The following DOCK9 variants were observed in gnomAD, a reference collection of about 807,000 sequenced individuals.
The protein encoded by DOCK9 is dedicator of cytokinesis protein 9.
In DOCK9, 89 loss-of-function variants were observed where a neutral mutation model predicts 263.3. The ratio of observed to expected loss-of-function variants is 0.34; its 90% CI spans 0.28 to 0.40. The LOEUF is 0.40. Ranked by LOEUF, DOCK9 falls within the 10% of genes least tolerant of loss-of-function variation. The pLI is 1.00. For synonymous variants in DOCK9, 976 were observed against 973.1 expected (o/e 1.00, Z -0.06); for missense variants, 2,140 against 2,603.4 (o/e 0.82, Z 3.87).
At chr13:98,902,928 T>C (rs1362484938) in intron 11 of DOCK9, 44 bp downstream of exon 11, 22 of 1,376,218 alleles carry the variant, frequency 1.6e-5, no homozygotes, top group Non-Finnish European at 2.1e-5. Flanking sequence ...CTGAAACCTC[T>C]GCCTATTTTT....
intron 43 of DOCK9, among the ~76,000 whole-genome samples, chr13:98,828,413 A>G (rs1451576643): frequency 6.6e-6 from 1 of 152,214 alleles, no homozygotes; most frequent in Non-Finnish European, 1.5e-5. Context: ...TACTTCTCTT[A>G]GTTATTCCTT....
intron 9 of DOCK9, among the ~76,000 whole-genome samples, chr13:98,910,679 C>A (rs775893916): frequency 2.6e-5 from 4 of 152,160 alleles, no homozygotes; most frequent in African/African-American, 7.2e-5. Flanking sequence ...AGAAAAGGAA[C>A]CTGCCATGAA....
At chr13:98,826,005 G>C (rs1365335090) in intron 44 of DOCK9, 1 of 1,327,722 alleles carries the variant, frequency 7.5e-7, no homozygotes, top group East Asian at 3.0e-5. Flanking sequence ...GGTATTAAAT[G>C]AACATGGAGC....
intron 1 of DOCK9, among the ~76,000 whole-genome samples, chr13:99,014,727 C>G (rs1885110615): frequency 1.3e-5 from 2 of 152,162 alleles, no homozygotes; most frequent in African/African-American, 4.8e-5. Context: ...GGAAAAATGG[C>G]AAGGCATCCT....
At chr13:98,890,356 C>T (rs749585675) in intron 15 of DOCK9, among the ~76,000 whole-genome samples, 5 of 152,164 alleles carry the variant, frequency 3.3e-5, no homozygotes, top group Non-Finnish European at 5.9e-5. Flanking sequence ...TGCCCACTCA[C>T]GTGTGCAGCG....
chr13:98,964,232 C>A (rs1000364703), intron 1 of DOCK9, among the ~76,000 whole-genome samples: 10 of 152,208 alleles, frequency 6.6e-5, no homozygotes, highest in African/African-American at 2.4e-4. Context: ...GGAACCCAAC[C>A]TTTGCCCAGC....
chr13:99,053,449 T>C (rs2040793161), intron 1 of DOCK9, among the ~76,000 whole-genome samples: 1 of 152,222 alleles, frequency 6.6e-6, no homozygotes, highest in African/African-American at 2.4e-5. Flanking sequence ...ACTTAGAATA[T>C]AAATTTAATT....
chr13:98,912,384 G>A (rs1436232543), intron 9 of DOCK9, among the ~76,000 whole-genome samples: 3 of 152,132 alleles, frequency 2.0e-5, no homozygotes, highest in Non-Finnish European at 4.4e-5. Context: ...TACAATTCAT[G>A]TTTGAGCATT....
chr13:99,014,286 C>A (rs1235117376), intron 1 of DOCK9, among the ~76,000 whole-genome samples: 2 of 152,228 alleles, frequency 1.3e-5, no homozygotes, highest in African/African-American at 4.8e-5. Context: ...GGAGCTAGTC[C>A]TTCTAATCTC....
At chr13:98,879,786 T>C in intron 27 of DOCK9, 112 bp downstream of exon 27, 1 of 824,758 alleles carries the variant, frequency 1.2e-6, no homozygotes, top group Non-Finnish European at 1.9e-6. Flanking sequence ...GTAAAGCACT[T>C]AGAACAGTCC....
chr13:98,905,956 C>T (rs1260694293), intron 9 of DOCK9, among the ~76,000 whole-genome samples: 1 of 152,158 alleles, frequency 6.6e-6, no homozygotes, highest in African/African-American at 2.4e-5. Context: ...GTTATCACAC[C>T]AGCCTCCCAG....
chr13:99,087,675 A>C (rs1225912759), upstream of DOCK9: 1 of 152,136 alleles, frequency 6.6e-6, no homozygotes, highest in Admixed American at 6.5e-5. Context: ...AGGGCCGCGG[A>C]GAGGGCGCGC....
At chr13:99,074,399 A>G (rs934410044) in intron 1 of DOCK9, among the ~76,000 whole-genome samples, 7 of 152,254 alleles carry the variant, frequency 4.6e-5, no homozygotes, top group African/African-American at 1.7e-4. Context: ...CATCATATAC[A>G]AGAAGGCAAG....
Position 98,944,633 on chromosome 13 carries a change from A to G in DOCK9, c.243+10802T>C, listed in dbSNP as rs183379765. Among the ~76,000 whole-genome samples the G allele has an allele frequency of 8.0e-4, 122 of 152,290 alleles. 1 individual carries two copies. The highest frequency in any genetic ancestry group is 2.8e-3 in the African/African-American group (116 of 41,578). On this transcript the variant is annotated intron_variant, in intron 2 of 52. Transcript: ENST00000682017. The stretch of plus-strand genomic sequence containing the variant: ...CCCCTACAGTCCTATGCCAGGGCAC[A>G]TGGGGACACAGCTGCCCACACACCC...
At chr13:98,914,560 C>A in intron 8 of DOCK9, among the ~76,000 whole-genome samples, 165 bp from the exon 9 acceptor site, 1 of 152,120 alleles carries the variant, frequency 6.6e-6, no homozygotes, top group East Asian at 1.9e-4. Flanking sequence ...AAATACTGAT[C>A]CACAGGCTCA....
At chr13:99,065,045 C>T (rs1386233881) in intron 1 of DOCK9, among the ~76,000 whole-genome samples, 1 of 152,154 alleles carries the variant, frequency 6.6e-6, no homozygotes, top group Non-Finnish European at 1.5e-5. Context: ...CAGGTTTCTG[C>T]ATCACCACAC....
At chr13:98,838,301 T>C (rs2093083168) in intron 38 of DOCK9, among the ~76,000 whole-genome samples, 1 of 152,164 alleles carries the variant, frequency 6.6e-6, no homozygotes. Context: ...CAAAGGGTTG[T>C]GGTAAGGATT....
At chr13:98,813,619 T>G (rs757465596) in intron 45 of DOCK9, among the ~76,000 whole-genome samples, 6 of 152,034 alleles carry the variant, frequency 3.9e-5, no homozygotes, top group Admixed American at 6.6e-5. Context: ...TTCAATTTAC[T>G]AATATATATT....
intron 21 of DOCK9, 102 bp downstream of exon 21, chr13:98,884,869 G>T: frequency 7.5e-7 from 1 of 1,331,168 alleles, no homozygotes; most frequent in Non-Finnish European, 1.0e-6. Flanking sequence ...AATGGTGGAA[G>T]AGCAAAAATA....
Sources: gnomAD v4.1 joint callset for allele counts (sites outside exome capture counted in the v4.1 genomes callset) on GRCh38, gnomAD v4.1.1 for gene constraint, MANE v1.5 for transcripts, NCBI Gene and HGNC (gene_info 2026-07-23, HGNC 2026-07-21) for gene names.